CRACD: variants seen among roughly 807,000 people sequenced by gnomAD.
CRACD encodes the protein capping protein-inhibiting regulator of actin dynamics.
In CRACD, 56 loss-of-function variants were observed where a neutral mutation model predicts 106.8. The ratio of observed to expected loss-of-function variants is 0.52; its 90% confidence interval spans 0.42 to 0.66. The LOEUF is 0.66. CRACD is among the 30% of genes least tolerant of loss of function. The probability of loss-of-function intolerance (pLI) is 0.00; values close to 1 mark genes in which losing one functional copy is unlikely to be tolerated. For synonymous variants in CRACD, 754 were observed against 670.8 expected (o/e 1.12, Z -1.92); for missense variants, 1,730 against 1,623.2 (o/e 1.07, Z -1.13).
chr4:56,110,190 T>C (rs951885797), intron 1 of CRACD, among the ~76,000 whole-genome samples: 2 of 152,058 alleles, frequency 1.3e-5, no homozygotes, highest in African/African-American at 4.8e-5. Context: ...AAGAAGGCAG[T>C]AAAAAAATAT....
intron 1 of CRACD, among the ~76,000 whole-genome samples, chr4:56,164,097 G>GGAAGTTTCA (rs1279046672): frequency 6.6e-6 from 1 of 151,626 alleles, no homozygotes; most frequent in Non-Finnish European, 1.5e-5. Context: ...AAAATAGACG[G>GGAAGTTTCA]GAAGTTTCAG....
chr4:56,080,807 A>G (rs775832113), intron 1 of CRACD, among the ~76,000 whole-genome samples: 4 of 152,194 alleles, frequency 2.6e-5, no homozygotes, highest in Non-Finnish European at 5.9e-5. Context: ...CATTACTTCT[A>G]AAGACACCTA....
intron 2 of CRACD, among the ~76,000 whole-genome samples, chr4:56,217,826 T>A (rs1738787411): frequency 6.6e-6 from 1 of 152,110 alleles, no homozygotes; most frequent in Non-Finnish European, 1.5e-5. Context: ...AGAGGAAGGG[T>A]TCATTCAGTT....
At chr4:56,243,054 T>G (rs1459068068) in intron 2 of CRACD, among the ~76,000 whole-genome samples, 2 of 152,160 alleles carry the variant, frequency 1.3e-5, no homozygotes, top group East Asian at 3.8e-4. Context: ...CCCTTTATCC[T>G]TTTTACTAAT....
chr4:56,180,996 G>A (rs1736798842), intron 2 of CRACD, among the ~76,000 whole-genome samples: 1 of 152,124 alleles, frequency 6.6e-6, no homozygotes, highest in Non-Finnish European at 1.5e-5. Context: ...AATGAATGAT[G>A]GATTTTTAGA....
At chr4:56,102,021 C>T (rs1733790296) in intron 1 of CRACD, among the ~76,000 whole-genome samples, 1 of 152,156 alleles carries the variant, frequency 6.6e-6, no homozygotes, top group Admixed American at 6.5e-5. Flanking sequence ...CTAGCTTGCT[C>T]CTACTAAAAA....
chr4:56,242,486 T>C (rs1469036974), intron 2 of CRACD, among the ~76,000 whole-genome samples: 1 of 152,052 alleles, frequency 6.6e-6, no homozygotes, highest in Non-Finnish European at 1.5e-5. Flanking sequence ...TTGGTGACAC[T>C]AGGAGGCGTG....
chr4:56,054,232 G>A (rs1731974555), intron 1 of CRACD, among the ~76,000 whole-genome samples: 3 of 152,188 alleles, frequency 2.0e-5, no homozygotes, highest in Admixed American at 6.5e-5. Flanking sequence ...CCAGGCTGGA[G>A]TGCAGTGATG....
chr4:56,096,087 AG>A (rs1462942034), intron 1 of CRACD, among the ~76,000 whole-genome samples: 2 of 152,188 alleles, frequency 1.3e-5, no homozygotes, highest in Non-Finnish European at 2.9e-5. Flanking sequence ...TTTGCAGGGG[AG>A]GATCAGAGGT....
At chr4:56,075,303 A>G (rs1732801907) in intron 1 of CRACD, among the ~76,000 whole-genome samples, 1 of 152,150 alleles carries the variant, frequency 6.6e-6, no homozygotes, top group Admixed American at 6.5e-5. Context: ...TTGGCCGTGA[A>G]TCCGTCTGGA....
intron 2 of CRACD, among the ~76,000 whole-genome samples, chr4:56,217,763 T>C (rs28871423): frequency 0.27 from 41,157 of 152,186 alleles, 6,455 homozygotes; most frequent in Non-Finnish European, 0.35. Context: ...ACCACCACTT[T>C]CCCTCGAGGC....
At chr4:56,300,115 C>T (rs771563648) in intron 4 of CRACD, among the ~76,000 whole-genome samples, 3 of 151,714 alleles carry the variant, frequency 2.0e-5, no homozygotes, top group Non-Finnish European at 2.9e-5. Flanking sequence ...TCCAGCCTGG[C>T]GACAGAGAGA....
intron 2 of CRACD, among the ~76,000 whole-genome samples, chr4:56,237,189 T>C (rs1371862400): frequency 6.6e-6 from 1 of 152,108 alleles, no homozygotes; most frequent in Non-Finnish European, 1.5e-5. Context: ...ATGAGTTAAA[T>C]TTAAGTATGT....
chr4:56,202,203 T>G (rs1560482227), intron 2 of CRACD, among the ~76,000 whole-genome samples: 1 of 151,816 alleles, frequency 6.6e-6, no homozygotes, highest in Non-Finnish European at 1.5e-5. Context: ...TTAAAAAAAT[T>G]GACTATGAGT....
intron 1 of CRACD, among the ~76,000 whole-genome samples, chr4:56,059,408 C>T (rs988218100): frequency 1.3e-5 from 2 of 152,114 alleles, no homozygotes; most frequent in Non-Finnish European, 2.9e-5. Context: ...CCTGGAAGTT[C>T]GAGGCTACAG....
chr4:56,216,973 C>G (rs1414212310), intron 2 of CRACD, among the ~76,000 whole-genome samples: 3 of 119,838 alleles, frequency 2.5e-5, no homozygotes, highest in Non-Finnish European at 4.8e-5. Context: ...GGCGACAGAG[C>G]GAGACTCCGT....
chr4:56,276,970 G>A (rs1010357182), intron 3 of CRACD, among the ~76,000 whole-genome samples: 24 of 152,234 alleles, frequency 1.6e-4, no homozygotes, highest in African/African-American at 4.6e-4. Flanking sequence ...GACTGGAACA[G>A]TCGGGAAAGG....
At chr4:56,144,951 G>A (rs1039902449) in intron 1 of CRACD, among the ~76,000 whole-genome samples, 22 of 152,020 alleles carry the variant, frequency 1.4e-4, no homozygotes. Context: ...ACCATGCCCA[G>A]CTAATTTTGT....
rs377685457 is a variant in CRACD, at chr4:56,087,072, T to C, written c.-336+37773T>C. 1.2e-3 allele frequency among the ~76,000 whole-genome samples: 176 copies of C among 152,154 alleles called. 2 individuals are homozygous for C. Among genetic ancestry groups the C allele is most frequent in the African/African-American group, 3.8e-3 (158 of 41,524 alleles). ...TGTCACCCAGGCTGGAGTGTGGTGG[T>C]GTGATCTGGACTCACTACAACCTCC... On this transcript the variant is annotated intron_variant, in intron 1 of 10. Transcript: ENST00000682029.
Sources: allele counts gnomAD v4.1 joint callset (sites outside exome capture counted in the v4.1 genomes callset), GRCh38; gene constraint gnomAD v4.1.1; transcripts MANE v1.5; gene names NCBI Gene and HGNC (gene_info 2026-07-23, HGNC 2026-07-21).